SYNE2: variants seen among roughly 807,000 people sequenced by gnomAD.
The protein encoded by SYNE2 is nesprin-2.
SYNE2 carries 431 observed loss-of-function variants against 856.3 expected under a neutral mutation model. That is an observed-to-expected ratio of 0.50 (90% confidence interval 0.47 to 0.55). The LOEUF is 0.55. Among genes scored for constraint, SYNE2 ranks in the 20% least tolerant of loss-of-function variants. The probability of loss-of-function intolerance (pLI) is 0.00; values close to 1 mark genes in which losing one functional copy is unlikely to be tolerated. For synonymous variants in SYNE2, 2,923 were observed against 2,872.3 expected, an observed-to-expected ratio of 1.02 and a Z score of -0.56; for missense variants, 8,129 against 8,023.2, an observed-to-expected ratio of 1.01 and a Z score of -0.50.
rs1352446262 is a variant in SYNE2, at chr14:64,121,028, A to G, written c.13125A>G (p.Gln4375=). The G allele has an allele frequency of 1.2e-6, 2 of 1,614,042 alleles. No homozygotes were observed. Among genetic ancestry groups the G allele is most frequent in the African/African-American group, 2.7e-5 (2 of 74,930 alleles). Reference sequence around the variant, plus strand: ...AATCCATTGTAACTGAAAGGCCACAATTCAGCAGACAAAAAGATTTCCAGC... The same window carrying G: ...AATCCATTGTAACTGAAAGGCCACAGTTCAGCAGACAAAAAGATTTCCAGC... The part of the protein sequence containing the change: ...ELESIVTERP[Q]FSRQKDFQQQ... The change falls in exon 68 of 116, where the codon CAA becomes CAG. Residue 4375 remains glutamine, a synonymous_variant. Transcript: ENST00000555002.
At chr14:64,113,079 G>C (rs940371845) in intron 65 of SYNE2, 3 of 985,252 alleles carry the variant, frequency 3.0e-6, no homozygotes, top group African/African-American at 1.7e-5. Flanking sequence ...GGCTCACCGG[G>C]TAGTGAACTG....
At chr14:64,022,620 T>C in intron 37 of SYNE2, 131 bp from the exon 38 acceptor site, 1 of 698,494 alleles carries the variant, frequency 1.4e-6, no homozygotes. Context: ...CAAAATTGGG[T>C]TTCAGAGGTT....
intron 33 of SYNE2, among the ~76,000 whole-genome samples, chr14:64,017,253 C>A (rs931923330): frequency 7.3e-6 from 1 of 137,538 alleles, no homozygotes. Flanking sequence ...GGCGTGAACT[C>A]GGGAGGCGGA....
intron 1 of SYNE2, among the ~76,000 whole-genome samples, chr14:63,839,773 G>A (rs1456710149): frequency 1.3e-5 from 2 of 152,198 alleles, no homozygotes; most frequent in Non-Finnish European, 2.9e-5. Context: ...TCTTTATTAT[G>A]TGCGGAAAAG....
chr14:63,939,172 G>A (rs1163102035), intron 2 of SYNE2, among the ~76,000 whole-genome samples: 1 of 152,066 alleles, frequency 6.6e-6, no homozygotes, highest in Non-Finnish European at 1.5e-5. Flanking sequence ...CTCAGTTGTT[G>A]AGTGCAGGGC....
chr14:64,085,015 C>A (rs1348099143), intron 57 of SYNE2: 1 of 702,342 alleles, frequency 1.4e-6, no homozygotes, highest in Non-Finnish European at 2.6e-6. Flanking sequence ...CAGCTGGCTT[C>A]CCTCAGCATA....
chr14:63,810,434 A>G (rs1888573035), intron 1 of SYNE2, among the ~76,000 whole-genome samples: 1 of 152,162 alleles, frequency 6.6e-6, no homozygotes, highest in South Asian at 2.1e-4. Context: ...ATATAATAAG[A>G]TTACTTCATC....
rs770716382 is a variant in SYNE2, at chr14:64,107,592, C to T, written c.12594C>T (p.Pro4198=). Residue 4198 remains proline, a synonymous_variant, in exon 65 of 116, where the codon CCC becomes CCT. Transcript: ENST00000555002. ...TEQGPECSLR[P]NQTEEGTTPP... ...AAGGCCCAGAATGTTCCCTAAGGCC[C>T]AACCAAACAGAAGAGGTAAGTCCTG... is the stretch of plus-strand genomic sequence containing the variant. 2 of 1,614,050 alleles carry T rather than the reference C, an allele frequency of 1.2e-6. No individual in the cohort carries two copies. Among genetic ancestry groups the T allele is most frequent in the Non-Finnish European group, 1.7e-6 (2 of 1,179,908 alleles).
intron 11 of SYNE2, among the ~76,000 whole-genome samples, chr14:63,970,644 CTT>C (rs966943849): frequency 3.1e-5 from 4 of 127,804 alleles, no homozygotes; most frequent in African/African-American, 1.2e-4. Context: ...TTTTTCTTTT[CTT>C]TTTTCTTTTT....
chr14:64,138,946 G>GGT (rs150016027), intron 79 of SYNE2, among the ~76,000 whole-genome samples: 14,322 of 137,646 alleles, frequency 0.1, 726 homozygotes, highest in South Asian at 0.19. Context: ...GTGTATGTAT[G>GGT]GTGTGTGTGT....
chr14:63,948,052 C>T (rs776291128), intron 6 of SYNE2, among the ~76,000 whole-genome samples: 3 of 152,060 alleles, frequency 2.0e-5, no homozygotes, highest in South Asian at 4.1e-4. Flanking sequence ...CCAACTTATT[C>T]TTTAAGAAAG....
intron 63 of SYNE2, 34 bp downstream of exon 63, chr14:64,098,855 A>G (rs1211685922): frequency 6.2e-7 from 1 of 1,603,876 alleles, no homozygotes; most frequent in South Asian, 1.1e-5. Context: ...AAAGTTTGTT[A>G]GAACCAGATC....
Position 63,991,039 on chromosome 14 carries a change from T to C in SYNE2, c.2570T>C (p.Leu857Pro), listed in dbSNP as rs1464309572. 2 of 1,614,134 alleles carry C rather than the reference T, an allele frequency of 1.2e-6. No homozygotes were observed. The highest frequency in any genetic ancestry group is 2.2e-5 in the South Asian group (2 of 91,080). Residue 857 changes from leucine to proline, a missense_variant, in exon 21 of 116, where the codon CTT becomes CCT. Transcript: ENST00000555002. ...RLKMEESQKE[L>P]ESYMMRAQQL... ...AAGATGGAAGAATCCCAGAAGGAAC[T>C]TGAATCATATATGATGAGGGCTCAG...
chr14:63,815,412 G>T (rs1888939194), intron 1 of SYNE2, among the ~76,000 whole-genome samples: 1 of 151,746 alleles, frequency 6.6e-6, no homozygotes, highest in Non-Finnish European at 1.5e-5. Flanking sequence ...ATGAAAGAAA[G>T]ATATAGGCTA....
At chr14:63,839,278 C>G (rs902702865) in intron 1 of SYNE2, among the ~76,000 whole-genome samples, 6 of 152,166 alleles carry the variant, frequency 3.9e-5, no homozygotes, top group African/African-American at 9.7e-5. Context: ...ATCCGCCTAC[C>G]TTGGCCTCCC....
rs753588562 is a variant in SYNE2 at position 64,073,999 on chromosome 14, T to C, written c.10729T>C (p.Leu3577=). The change falls in exon 53 of 116, where the codon TTG becomes CTG. Residue 3577 remains leucine (L), a synonymous_variant. Transcript: ENST00000555002. The stretch of plus-strand genomic sequence containing the variant: ...TCAGAAAGTTCAGAAAAATAAAGAA[T>C]TGGTGCAGACTGAAATCCAAGAAAG... ...LLQKVQKNKE[L]VQTEIQERHS... The C allele has an allele frequency of 1.9e-6, 3 of 1,614,198 alleles. No individual in the cohort carries two copies. Among genetic ancestry groups the C allele is most frequent in the Non-Finnish European group, 2.5e-6 (3 of 1,180,034 alleles).
intron 45 of SYNE2, among the ~76,000 whole-genome samples, chr14:64,041,487 A>G (rs2097148006): frequency 6.6e-6 from 1 of 152,192 alleles, no homozygotes. Flanking sequence ...CAACACAATA[A>G]AAAATGGACA....
chr14:63,941,393 G>C (rs2095913435), intron 3 of SYNE2, among the ~76,000 whole-genome samples: 3 of 152,192 alleles, frequency 2.0e-5, no homozygotes, highest in Admixed American at 2.0e-4. Flanking sequence ...CTTTCCAGAT[G>C]GGTCACTAGC....
intron 33 of SYNE2, 109 bp downstream of exon 33, chr14:64,016,740 T>C: frequency 1.3e-6 from 1 of 792,820 alleles, no homozygotes; most frequent in South Asian, 1.7e-5. Flanking sequence ...TGTAAAAATG[T>C]TCAAATTATA....
Sources: allele counts gnomAD v4.1 joint callset (sites outside exome capture counted in the v4.1 genomes callset), GRCh38; gene constraint gnomAD v4.1.1; transcripts MANE v1.5; gene names NCBI Gene and HGNC (gene_info 2026-07-23, HGNC 2026-07-21).